Variants in NR1H4 observed in about 807,000 individuals in gnomAD.
The protein encoded by NR1H4 is nuclear receptor subfamily 1 group H member 4.
A neutral mutation model predicts 58.5 loss-of-function variants in NR1H4; 23 were observed. The ratio of observed to expected loss-of-function variants is 0.39; its 90% CI spans 0.28 to 0.56. The LOEUF (loss-of-function observed/expected upper bound fraction) is 0.56. Ranked by LOEUF, NR1H4 falls within the 20% of genes least tolerant of loss-of-function variation. The pLI is 0.58. For missense variants in NR1H4, 487 were observed against 576.9 expected (o/e 0.84, Z 1.60); for synonymous variants, 214 against 198.0 (o/e 1.08, Z -0.68).
intron 4 of NR1H4, among the ~76,000 whole-genome samples, chr12:100,524,733 C>A (rs559635290): frequency 2.0e-5 from 3 of 152,294 alleles, no homozygotes; most frequent in Admixed American, 6.5e-5. Flanking sequence ...CTAGAGGCAA[C>A]CCCTAAGAAC....
intron 3 of NR1H4, among the ~76,000 whole-genome samples, chr12:100,506,002 AACACACACACACAC>A (rs398020830): frequency 5.0e-5 from 7 of 141,134 alleles, no homozygotes; most frequent in East Asian, 2.2e-4. Context: ...AAGTGTTTAT[AACACACACACACAC>A]ACACACACAC....
chr12:100,556,482 C>CAAA (rs1241034628), intron 9 of NR1H4, among the ~76,000 whole-genome samples: 15 of 143,460 alleles, frequency 1.0e-4, no homozygotes, highest in Non-Finnish European at 1.1e-4. Flanking sequence ...AAAAAAAAAA[C>CAAA]AAAAAACAAA....
chr12:100,554,392 AACACACACAC>A (rs60582622), intron 9 of NR1H4, among the ~76,000 whole-genome samples: 16,644 of 148,038 alleles, frequency 0.11, 1,271 homozygotes, highest in East Asian at 0.27. Context: ...ACTTGTAAAT[AACACACACAC>A]ACACACACAC....
intron 3 of NR1H4, 126 bp from the exon 4 acceptor site, chr12:100,510,652 A>C (rs1376250100): frequency 3.1e-6 from 2 of 653,740 alleles, no homozygotes; most frequent in Admixed American, 2.6e-5. Flanking sequence ...AGAAGTTGTA[A>C]ACTTTTATGT....
At chr12:100,558,156 C>T (rs1208002955) in intron 9 of NR1H4, among the ~76,000 whole-genome samples, 1 of 144,922 alleles carries the variant, frequency 6.9e-6, no homozygotes, top group Non-Finnish European at 1.5e-5. Flanking sequence ...GTCAGGGTTT[C>T]GAGATCAGCT....
At chr12:100,540,124 T>C (rs571948977) in intron 8 of NR1H4, among the ~76,000 whole-genome samples, 15 of 151,938 alleles carry the variant, frequency 9.9e-5, no homozygotes, top group East Asian at 3.9e-4. Flanking sequence ...TTCCATCAGG[T>C]TGGCAATTCT....
intron 4 of NR1H4, among the ~76,000 whole-genome samples, chr12:100,516,817 T>C (rs1278964812): frequency 6.6e-6 from 1 of 152,248 alleles, no homozygotes; most frequent in East Asian, 1.9e-4. Context: ...ATGCCAGTGC[T>C]AATAGCTTGT....
chr12:100,487,534 G>C (rs1953517033), intron 1 of NR1H4, among the ~76,000 whole-genome samples: 1 of 151,366 alleles, frequency 6.6e-6, no homozygotes, highest in Admixed American at 6.6e-5. Flanking sequence ...AGGTAGGGAA[G>C]TGATCATGTT....
chr12:100,538,609 T>C (rs998736304), intron 8 of NR1H4, among the ~76,000 whole-genome samples: 1 of 152,322 alleles, frequency 6.6e-6, no homozygotes, highest in Non-Finnish European at 1.5e-5. Context: ...TATTAAAATA[T>C]TGGTGTATTG....
intron 3 of NR1H4, among the ~76,000 whole-genome samples, chr12:100,504,458 T>C (rs1385504731): frequency 6.6e-6 from 1 of 152,182 alleles, no homozygotes; most frequent in Non-Finnish European, 1.5e-5. Flanking sequence ...TTTACTTCAA[T>C]TTAACCAACA....
intron 9 of NR1H4, among the ~76,000 whole-genome samples, chr12:100,548,130 G>A (rs2136280582): frequency 6.6e-6 from 1 of 150,524 alleles, no homozygotes; most frequent in East Asian, 2.0e-4. Context: ...CCCTTTGGGA[G>A]GCCGAGGCGG....
At chr12:100,487,547 A>G (rs997884671) in intron 1 of NR1H4, among the ~76,000 whole-genome samples, 1 of 151,324 alleles carries the variant, frequency 6.6e-6, no homozygotes, top group Admixed American at 6.6e-5. Context: ...ATCATGTTCA[A>G]ATCAGATCTT....
intron 4 of NR1H4, among the ~76,000 whole-genome samples, chr12:100,517,159 C>T (rs942816345): frequency 2.6e-5 from 4 of 152,128 alleles, no homozygotes; most frequent in Middle Eastern, 3.2e-3. Context: ...TTCTTGGACC[C>T]GTTGACTAAT....
intron 1 of NR1H4, among the ~76,000 whole-genome samples, chr12:100,490,867 T>A (rs1953590429): frequency 6.6e-6 from 1 of 152,164 alleles, no homozygotes; most frequent in Admixed American, 6.6e-5. Context: ...CAGAGTTCAC[T>A]GCAGCCTCGA....
rs1309961581 is a variant in NR1H4 at position 100,499,876 on chromosome 12, C to T, written c.79+6474C>T. 1.5e-5 allele frequency: 7 copies of T among 455,918 alleles called. No individual in the cohort carries two copies. The Admixed American group carries it at 1.6e-4, about 11-fold the overall frequency. The allele number at this position is 455,918 out of a possible 1,614,324, so 28.2% of individuals were successfully genotyped here. On this transcript the variant is annotated intron_variant, in intron 3 of 10. Transcript: ENST00000392986. ...AGATTTCCTGGGTTGGTTCCAATCT[C>T]TGCCATCTACTACCCTGTGGTCTTG...
At chr12:100,545,947 T>C (rs912463729) in intron 9 of NR1H4, among the ~76,000 whole-genome samples, 3 of 152,050 alleles carry the variant, frequency 2.0e-5, no homozygotes, top group African/African-American at 7.2e-5. Context: ...GAAGGCATGA[T>C]TGGGCATGAA....
chr12:100,525,062 T>A (rs1460557171), intron 4 of NR1H4: 1 of 152,152 alleles, frequency 6.6e-6, no homozygotes, highest in Non-Finnish European at 1.5e-5. Flanking sequence ...GACTTGGAAG[T>A]CTGGGATATA....
intron 1 of NR1H4, among the ~76,000 whole-genome samples, chr12:100,489,537 G>GT (rs947237396): frequency 2.0e-5 from 3 of 151,808 alleles, no homozygotes; most frequent in Middle Eastern, 3.4e-3. Context: ...TTCTTCTTTT[G>GT]TTTTTTTTAA....
At chr12:100,529,667 C>T (rs949752423) in intron 4 of NR1H4, among the ~76,000 whole-genome samples, 2 of 152,114 alleles carry the variant, frequency 1.3e-5, no homozygotes, top group African/African-American at 4.8e-5. Context: ...CCTCATGGTC[C>T]ATGTTTCTAA....
Sources: allele counts gnomAD v4.1 joint callset (sites outside exome capture counted in the v4.1 genomes callset), GRCh38; gene constraint gnomAD v4.1.1; transcripts MANE v1.5; gene names NCBI Gene and HGNC (gene_info 2026-07-23, HGNC 2026-07-21).